KMT2C: variants seen among roughly 807,000 people sequenced by gnomAD.
The protein encoded by KMT2C is lysine methyltransferase 2C.
KMT2C carries 88 observed loss-of-function variants against 507.9 expected under a neutral mutation model. The observed-to-expected ratio is 0.17, with a 90% CI of 0.15 to 0.21. The LOEUF is 0.21. Among genes scored for constraint, KMT2C ranks in the 10% least tolerant of loss-of-function variants. The pLI is 1.00. For synonymous variants in KMT2C, 2,049 were observed against 2,080.8 expected, an observed-to-expected ratio of 0.98 and a Z score of 0.42; for missense variants, 4,954 against 5,957.8, an observed-to-expected ratio of 0.83 and a Z score of 5.55.
At chr7:152,153,777 A>G (rs1316138348) in intron 48 of KMT2C, among the ~76,000 whole-genome samples, 1 of 152,060 alleles carries the variant, frequency 6.6e-6, no homozygotes, top group Non-Finnish European at 1.5e-5. Flanking sequence ...ACATCCTTTA[A>G]TAAGAAAATG....
rs115930102 is a variant in KMT2C, at chr7:152,323,159, G to A, written c.389+7442C>T. ...AAAAATAGAATTACCATATAATCTAGTAATCACACTTCTGGGTATATATCC... is the reference window on the plus strand; with the variant it reads ...AAAAATAGAATTACCATATAATCTAATAATCACACTTCTGGGTATATATCC... On this transcript the variant is annotated intron_variant, in intron 3 of 58. Transcript: ENST00000262189. Among the ~76,000 whole-genome samples, 583 of 152,090 alleles carry A rather than the reference G, an allele frequency of 3.8e-3. 3 individuals carry two copies. Among genetic ancestry groups the A allele is most frequent in the African/African-American group, 0.013 (554 of 41,556 alleles).
rs2092521076 is a variant in KMT2C, at chr7:152,162,711, T to C, written c.10866A>G (p.Pro3622=). 1 of 1,614,242 alleles carries C rather than the reference T, an allele frequency of 6.2e-7. No homozygotes were observed. The highest frequency in any genetic ancestry group is 8.5e-7 in the Non-Finnish European group (1 of 1,180,038). The change falls in exon 43 of 59, where the codon CCA becomes CCG. Residue 3622 remains proline (P), a synonymous_variant. Coordinates refer to ENST00000262189, the MANE Select transcript of KMT2C (RefSeq NM_170606.3). ...CAGTTATATCTGAATGGGGAGTTGATGGAGCCTTGGTGGATTCTGCATCAT... is the reference window on the plus strand; with the variant it reads ...CAGTTATATCTGAATGGGGAGTTGACGGAGCCTTGGTGGATTCTGCATCAT... ...RDDDAESTKA[P]STPHSDITAP... is the part of the protein sequence containing the mutation.
chr7:152,162,023 G>A (rs2129103471), intron 43 of KMT2C, 94 bp downstream of exon 43: 1 of 1,349,086 alleles, frequency 7.4e-7, no homozygotes, highest in Non-Finnish European at 9.6e-7. Flanking sequence ...AAAGGTTGTA[G>A]AATAATGTGG....
At chr7:152,208,258 A>G (rs1012882151) in intron 23 of KMT2C, among the ~76,000 whole-genome samples, 62 of 152,210 alleles carry the variant, frequency 4.1e-4, no homozygotes, top group Non-Finnish European at 2.9e-4. Flanking sequence ...CCAGTGAACT[A>G]CACTCAGTTC....
At chr7:152,211,769 C>T (rs1007878162) in intron 23 of KMT2C, among the ~76,000 whole-genome samples, 3 of 152,218 alleles carry the variant, frequency 2.0e-5, no homozygotes, top group Non-Finnish European at 4.4e-5. Flanking sequence ...ACCGTATCGG[C>T]CAGGCACGGT....
chr7:152,341,205 T>C (rs2096988418), intron 2 of KMT2C, among the ~76,000 whole-genome samples: 1 of 152,196 alleles, frequency 6.6e-6, no homozygotes. Flanking sequence ...TAAATGACTC[T>C]GGTGGATGCC....
At chr7:152,271,710 A>G (rs1218870971) in intron 7 of KMT2C, among the ~76,000 whole-genome samples, 3 of 150,622 alleles carry the variant, frequency 2.0e-5, no homozygotes, top group South Asian at 4.2e-4. Context: ...AAAGAAATCT[A>G]ATTTAGTCAT....
At chr7:152,218,971 TC>T (rs1441676136) in intron 23 of KMT2C, among the ~76,000 whole-genome samples, 1 of 146,778 alleles carries the variant, frequency 6.8e-6, no homozygotes, top group Non-Finnish European at 1.5e-5. Context: ...TACTTCCAAT[TC>T]CTTTTTTTTT....
At chr7:152,421,090 AACAGAC>A (rs1449762569) in intron 1 of KMT2C, among the ~76,000 whole-genome samples, 1 of 152,136 alleles carries the variant, frequency 6.6e-6, no homozygotes, top group Non-Finnish European at 1.5e-5. Flanking sequence ...AAAGGGCATG[AACAGAC>A]ACTTCTCAAA....
At chr7:152,221,811 A>C (rs769701434) in intron 22 of KMT2C, among the ~76,000 whole-genome samples, 190 bp downstream of exon 22, 10 of 152,200 alleles carry the variant, frequency 6.6e-5, no homozygotes, top group Non-Finnish European at 1.3e-4. Context: ...TACTTGCTGA[A>C]ATTTATAGGA....
At chr7:152,412,462 A>G (rs1279068013) in intron 1 of KMT2C, among the ~76,000 whole-genome samples, 3 of 152,122 alleles carry the variant, frequency 2.0e-5, no homozygotes, top group Non-Finnish European at 4.4e-5. Context: ...GATGTTTATC[A>G]TGTTTTTTCT....
At chr7:152,220,165 CAACT>C (rs1171055021) in intron 23 of KMT2C, 1 of 225,828 alleles carries the variant, frequency 4.4e-6, no homozygotes, top group Non-Finnish European at 8.7e-6. Flanking sequence ...ATGTATGCAT[CAACT>C]ACCTTAACTG....
At chr7:152,359,259 C>CAAGGTGA (rs2097176226) in intron 1 of KMT2C, among the ~76,000 whole-genome samples, 1 of 120,576 alleles carries the variant, frequency 8.3e-6, no homozygotes, top group African/African-American at 3.2e-5. Context: ...AGAGTCACAG[C>CAAGGTGA]AAGGTGAAAT....
intron 6 of KMT2C, among the ~76,000 whole-genome samples, chr7:152,277,420 A>G (rs1223805561): frequency 6.6e-6 from 1 of 152,238 alleles, no homozygotes; most frequent in Non-Finnish European, 1.5e-5. Context: ...GGGAGGGATT[A>G]TAATCACCAA....
chr7:152,364,609 C>CAAAAAAAA (rs568794506), intron 1 of KMT2C, among the ~76,000 whole-genome samples: 21 of 90,840 alleles, frequency 2.3e-4, no homozygotes, highest in African/African-American at 9.7e-4. Context: ...ACTCCGTCTC[C>CAAAAAAAA]AAAAAAAAAA....
chr7:152,290,746 T>C (rs1276108367), intron 6 of KMT2C, among the ~76,000 whole-genome samples: 3 of 152,132 alleles, frequency 2.0e-5, no homozygotes, highest in Non-Finnish European at 4.4e-5. Context: ...AGAATATTCA[T>C]TAGGGCTTGT....
chr7:152,172,505 G>A (rs1656398670), intron 39 of KMT2C, among the ~76,000 whole-genome samples: 1 of 152,146 alleles, frequency 6.6e-6, no homozygotes, highest in Non-Finnish European at 1.5e-5. Context: ...AGAACAGCCT[G>A]ACCAACATGG....
intron 1 of KMT2C, among the ~76,000 whole-genome samples, chr7:152,432,937 G>C (rs1475917712): frequency 6.6e-6 from 1 of 150,984 alleles, no homozygotes; most frequent in Admixed American, 6.6e-5. Context: ...ACCTGAGGTC[G>C]GGGGTTCAAG....
chr7:152,329,155 G>A (rs1253842171), intron 3 of KMT2C, among the ~76,000 whole-genome samples: 6 of 152,124 alleles, frequency 3.9e-5, no homozygotes, highest in African/African-American at 1.2e-4. Context: ...CAAGATATCT[G>A]AGGACTTATC....
Sources: gnomAD v4.1 joint callset for allele counts (sites outside exome capture counted in the v4.1 genomes callset) on GRCh38, gnomAD v4.1.1 for gene constraint, MANE v1.5 for transcripts, NCBI Gene and HGNC (gene_info 2026-07-23, HGNC 2026-07-21) for gene names.